The following PIK3C2G variants were observed in gnomAD, a reference collection of about 807,000 sequenced individuals.
PIK3C2G encodes the protein phosphatidylinositol 3-kinase C2 domain-containing subunit gamma.
Under a neutral mutation model 181.1 loss-of-function variants are expected in PIK3C2G, and 168 were observed. That is an observed-to-expected ratio of 0.93 (90% CI 0.82 to 1.05). The LOEUF (loss-of-function observed/expected upper bound fraction) is 1.05, where lower values mean the gene tolerates loss of function less well. Ranked by LOEUF, PIK3C2G falls within the 50% of genes least tolerant of loss-of-function variation. The pLI, the probability that PIK3C2G is intolerant of heterozygous loss-of-function variation, is 0.00. For missense variants in PIK3C2G, 1,869 were observed against 1,732.8 expected (o/e 1.08, Z -1.40); for synonymous variants, 573 against 592.2 (o/e 0.97, Z 0.47).
intron 24 of PIK3C2G, among the ~76,000 whole-genome samples, chr12:18,521,168 T>C (rs1229924465): frequency 6.6e-6 from 1 of 152,118 alleles, no homozygotes; most frequent in Non-Finnish European, 1.5e-5. Flanking sequence ...CTGATGCCAT[T>C]AGGAATGCTC....
intron 29 of PIK3C2G, among the ~76,000 whole-genome samples, chr12:18,581,524 C>T (rs887702606): frequency 6.6e-6 from 1 of 152,152 alleles, no homozygotes; most frequent in Non-Finnish European, 1.5e-5. Flanking sequence ...AAGCACTGAC[C>T]TAGTCAGGAT....
chr12:18,488,309 C>T, intron 18 of PIK3C2G, 140 bp from the exon 19 acceptor site: 1 of 431,990 alleles, frequency 2.3e-6, no homozygotes, highest in Non-Finnish European at 4.0e-6. Context: ...GAATAAACAA[C>T]ATTTTCCCCA....
rs180690200 is a variant in PIK3C2G at position 18,355,666 on chromosome 12, C to T, written c.1626-7098C>T. Among the ~76,000 whole-genome samples, 25 of 152,274 alleles carry T rather than the reference C, an allele frequency of 1.6e-4. No homozygotes were observed. The East Asian group carries it at 3.3e-3, about 20-fold the overall frequency. On this transcript the variant is annotated intron_variant, in intron 11 of 32. Coordinates refer to ENST00000538779, the MANE Select transcript of PIK3C2G (RefSeq NM_001288772.2). ...TGTTGGGCACAGCACATGCATGCTA[C>T]GGACATGCCCAGGCACCCAAGCCTG...
intron 31 of PIK3C2G, among the ~76,000 whole-genome samples, chr12:18,639,442 G>A (rs1402179935): frequency 1.3e-5 from 2 of 151,934 alleles, no homozygotes; most frequent in Non-Finnish European, 2.9e-5. Context: ...AACAAAACAA[G>A]CACTTAATTC....
chr12:18,696,494 A>G, the PIK3C2G span, among the ~76,000 whole-genome samples: 1 of 151,220 alleles, frequency 6.6e-6, no homozygotes. Context: ...CAATTTTATC[A>G]TAAAATGTAT....
intron 24 of PIK3C2G, among the ~76,000 whole-genome samples, chr12:18,512,353 A>G (rs1942265565): frequency 6.6e-6 from 1 of 151,898 alleles, no homozygotes; most frequent in African/African-American, 2.4e-5. Context: ...AAAAAAAATG[A>G]CATCTGGTTT....
intron 8 of PIK3C2G, among the ~76,000 whole-genome samples, chr12:18,328,545 C>T (rs1470323819): frequency 6.6e-6 from 1 of 151,836 alleles, no homozygotes; most frequent in Non-Finnish European, 1.5e-5. Context: ...TAGTCTAAAA[C>T]AAAATTTAGG....
chr12:18,481,429 G>A (rs1939552176), intron 18 of PIK3C2G, among the ~76,000 whole-genome samples: 1 of 152,134 alleles, frequency 6.6e-6, no homozygotes, highest in African/African-American at 2.4e-5. Flanking sequence ...ATAGCTACCA[G>A]CTGACCCTGA....
At chr12:18,581,669 C>A (rs1365059827) in intron 29 of PIK3C2G, among the ~76,000 whole-genome samples, 1 of 152,098 alleles carries the variant, frequency 6.6e-6, no homozygotes, top group Non-Finnish European at 1.5e-5. Context: ...ATTTGAGTTG[C>A]CTATAAGGCT....
At chr12:18,683,807 T>A in the PIK3C2G span, among the ~76,000 whole-genome samples, 1 of 151,920 alleles carries the variant, frequency 6.6e-6, no homozygotes, top group Non-Finnish European at 1.5e-5. Flanking sequence ...TGCTTCTCCC[T>A]TCTGGTTGCC....
chr12:18,710,463 A>T, the PIK3C2G span, among the ~76,000 whole-genome samples: 1,087 of 152,112 alleles, frequency 7.1e-3, 11 homozygotes, highest in African/African-American at 0.025. Context: ...AAAACTGACC[A>T]CTTATGGCCT....
At chr12:18,464,759 T>C (rs1386574308) in intron 18 of PIK3C2G, among the ~76,000 whole-genome samples, 2 of 152,094 alleles carry the variant, frequency 1.3e-5, no homozygotes, top group Admixed American at 6.6e-5. Flanking sequence ...TCACGCATGT[T>C]TTTGTTTGTA....
chr12:18,647,825 A>C, intron 32 of PIK3C2G, 51 bp from the exon 33 acceptor site: 1 of 1,093,312 alleles, frequency 9.1e-7, no homozygotes, highest in Middle Eastern at 2.1e-4. Context: ...CAAAAAAGAG[A>C]TGTATTTAAG....
At chr12:18,398,390 C>T (rs538340026) in intron 15 of PIK3C2G, among the ~76,000 whole-genome samples, 1 of 152,042 alleles carries the variant, frequency 6.6e-6, no homozygotes, top group African/African-American at 2.4e-5. Flanking sequence ...AAAAAAGGAA[C>T]CTAACCACAC....
intron 30 of PIK3C2G, among the ~76,000 whole-genome samples, chr12:18,603,627 C>G (rs771284365): frequency 2.0e-5 from 3 of 152,040 alleles, no homozygotes; most frequent in Admixed American, 6.6e-5. Flanking sequence ...GACAGAAGCA[C>G]CAGTTAACCT....
the PIK3C2G span, among the ~76,000 whole-genome samples, chr12:18,674,756 T>C: frequency 6.6e-6 from 1 of 152,186 alleles, no homozygotes; most frequent in Admixed American, 6.5e-5. Flanking sequence ...GTGAAAGTGA[T>C]GTTGTATGAC....
intron 29 of PIK3C2G, among the ~76,000 whole-genome samples, chr12:18,576,517 CAG>C (rs1354254484): frequency 2.0e-5 from 3 of 151,932 alleles, no homozygotes; most frequent in African/African-American, 4.8e-5. Context: ...AATAGGGAAA[CAG>C]AGTATAATAA....
chr12:18,510,834 C>T (rs932572935), intron 24 of PIK3C2G, among the ~76,000 whole-genome samples: 4 of 152,140 alleles, frequency 2.6e-5, no homozygotes, highest in Admixed American at 2.0e-4. Context: ...TTACCTATCA[C>T]TTTTTTATGG....
intron 24 of PIK3C2G, among the ~76,000 whole-genome samples, chr12:18,520,937 T>G (rs1223477567): frequency 3.3e-5 from 5 of 152,196 alleles, no homozygotes; most frequent in Non-Finnish European, 5.9e-5. Flanking sequence ...GGGGACCTTT[T>G]TTGTTGATGC....
Sources: gnomAD v4.1 joint callset for allele counts (sites outside exome capture counted in the v4.1 genomes callset) on GRCh38, gnomAD v4.1.1 for gene constraint, MANE v1.5 for transcripts, NCBI Gene and HGNC (gene_info 2026-07-23, HGNC 2026-07-21) for gene names.